SGCZ: variants seen among roughly 807,000 people sequenced by gnomAD.
SGCZ encodes zeta-sarcoglycan.
In SGCZ, 40 loss-of-function variants were observed where a neutral mutation model predicts 41.3. That is an observed-to-expected ratio of 0.97 (90% CI 0.75 to 1.26). The LOEUF is 1.26. SGCZ is among the 50% of genes most tolerant of loss of function. The pLI, the probability that SGCZ is intolerant of heterozygous loss-of-function variation, is 0.00. For synonymous variants in SGCZ, 206 were observed against 137.5 expected (o/e 1.50, Z -3.49); for missense variants, 552 against 369.8 (o/e 1.49, Z -4.04).
intron 1 of SGCZ, among the ~76,000 whole-genome samples, chr8:15,190,280 C>T (rs1384091914): frequency 1.3e-5 from 2 of 152,056 alleles, no homozygotes; most frequent in African/African-American, 4.8e-5. Flanking sequence ...GTAGAACAAC[C>T]TATGTATATT....
intron 1 of SGCZ, among the ~76,000 whole-genome samples, chr8:15,180,472 C>T (rs973123955): frequency 6.6e-6 from 1 of 152,084 alleles, no homozygotes; most frequent in African/African-American, 2.4e-5. Flanking sequence ...TCTACATCTG[C>T]TCTTTTATTG....
At chr8:14,972,330 T>C (rs1231027950) in intron 1 of SGCZ, among the ~76,000 whole-genome samples, 2 of 152,188 alleles carry the variant, frequency 1.3e-5, no homozygotes, top group Non-Finnish European at 2.9e-5. Context: ...CTGATAAATT[T>C]GGATAGCTGT....
chr8:14,906,929 C>T (rs1799135139), intron 1 of SGCZ, among the ~76,000 whole-genome samples: 1 of 152,124 alleles, frequency 6.6e-6, no homozygotes, highest in South Asian at 2.1e-4. Flanking sequence ...TTTTCAAATA[C>T]ATATACTTTA....
At chr8:15,215,724 T>C (rs981132554) in intron 1 of SGCZ, among the ~76,000 whole-genome samples, 3 of 152,188 alleles carry the variant, frequency 2.0e-5, no homozygotes, top group African/African-American at 7.2e-5. Flanking sequence ...GCCAAACTGA[T>C]CAGTTGTTAA....
At chr8:14,590,352 T>C (rs1266002933) in intron 1 of SGCZ, among the ~76,000 whole-genome samples, 1 of 151,948 alleles carries the variant, frequency 6.6e-6, no homozygotes, top group Non-Finnish European at 1.5e-5. Flanking sequence ...ATTTTGGAAA[T>C]ATCTGGAAGG....
intron 2 of SGCZ, among the ~76,000 whole-genome samples, chr8:14,474,335 A>G (rs1179083422): frequency 6.6e-6 from 1 of 152,240 alleles, no homozygotes; most frequent in African/African-American, 2.4e-5. Flanking sequence ...AAATCCATGC[A>G]GTTGATTAAG....
chr8:14,115,222 C>A (rs545068424), intron 5 of SGCZ, among the ~76,000 whole-genome samples: 8 of 151,968 alleles, frequency 5.3e-5, no homozygotes, highest in African/African-American at 1.9e-4. Flanking sequence ...GTAACATACA[C>A]ACCTGAGGCT....
chr8:14,235,532 G>A (rs1314880121), intron 4 of SGCZ, among the ~76,000 whole-genome samples: 2 of 152,088 alleles, frequency 1.3e-5, no homozygotes, highest in Non-Finnish European at 2.9e-5. Flanking sequence ...GAAAATACTA[G>A]CACACTAAAT....
chr8:14,286,052 G>T (rs1800613299), intron 3 of SGCZ, among the ~76,000 whole-genome samples: 1 of 151,092 alleles, frequency 6.6e-6, no homozygotes, highest in Non-Finnish European at 1.5e-5. Context: ...TTGAGGCTTA[G>T]TTTTATGCTA....
chr8:14,496,237 TA>T lies in SGCZ; in HGVS notation c.234+58494del, dbSNP rs1454078207. ...CACAACATCATGCCTGGCTAATTTT[TA>T]AATTTTTTTTTGGAGAGACAAAAAT... On this transcript the variant is annotated intron_variant, in intron 2 of 7. Coordinates refer to ENST00000382080, the MANE Select transcript of SGCZ (RefSeq NM_139167.4). Among the ~76,000 whole-genome samples, 8 of 114,036 alleles carry T rather than the reference TA, an allele frequency of 7.0e-5. No individual in the cohort carries two copies. In the East Asian group the frequency reaches 1.8e-3, roughly 26 times the overall value. The allele number at this position is 114,036 out of a possible 152,430, so 74.8% of individuals were successfully genotyped here. A position where few individuals can be genotyped will look rare whatever the true frequency, so the allele number is the denominator to read the frequency against.
chr8:15,078,562 T>C (rs1805629333), intron 1 of SGCZ, among the ~76,000 whole-genome samples: 1 of 152,058 alleles, frequency 6.6e-6, no homozygotes, highest in South Asian at 2.1e-4. Flanking sequence ...GATTTTACAT[T>C]TTGAGTCCAT....
chr8:14,426,406 A>G (rs1190739338), intron 2 of SGCZ, among the ~76,000 whole-genome samples: 2 of 151,664 alleles, frequency 1.3e-5, no homozygotes, highest in Admixed American at 6.6e-5. Flanking sequence ...ACTGATCTTC[A>G]TAAAAAAAGT....
intron 1 of SGCZ, among the ~76,000 whole-genome samples, chr8:15,218,869 A>T (rs763549396): frequency 3.9e-5 from 6 of 152,210 alleles, no homozygotes; most frequent in African/African-American, 1.4e-4. Flanking sequence ...GGGAATCGAC[A>T]TTTAGTAAAG....
chr8:14,602,345 C>T (rs1805620584), intron 1 of SGCZ, among the ~76,000 whole-genome samples: 1 of 151,716 alleles, frequency 6.6e-6, no homozygotes, highest in South Asian at 2.1e-4. Flanking sequence ...GCACATGTCA[C>T]CCAGGCATGG....
intron 3 of SGCZ, among the ~76,000 whole-genome samples, chr8:14,294,816 C>G (rs1049364465): frequency 6.6e-6 from 1 of 151,954 alleles, no homozygotes; most frequent in African/African-American, 2.4e-5. Context: ...TATGAAATCG[C>G]TGTTAGATGT....
In SGCZ at chr8:15,211,098, T is replaced by G. The variant is rs146939620; in HGVS notation, c.39+26487A>C. On this transcript the variant is annotated intron_variant, in intron 1 of 7. Transcript: ENST00000382080. ...ATAGATAGATATAGATATAGATATA[T>G]ATAGCTATATCTAGATATTGATGTA... is the stretch of plus-strand genomic sequence containing the variant. Among the ~76,000 whole-genome samples, 17 of 151,120 alleles carry G rather than the reference T, an allele frequency of 1.1e-4. No homozygotes were observed. In the East Asian group the frequency reaches 1.6e-3, roughly 14 times the overall value.
At chr8:15,049,158 G>A (rs1434582656) in intron 1 of SGCZ, among the ~76,000 whole-genome samples, 1 of 152,136 alleles carries the variant, frequency 6.6e-6, no homozygotes, top group East Asian at 1.9e-4. Flanking sequence ...ATAAAATTCT[G>A]TGGCAGAGAA....
intron 1 of SGCZ, among the ~76,000 whole-genome samples, chr8:15,022,207 T>C (rs530124714): frequency 1.3e-5 from 2 of 152,210 alleles, no homozygotes; most frequent in Admixed American, 6.5e-5. Context: ...TTCATTTTGT[T>C]CAAAAACACA....
chr8:14,488,394 ACT>A (rs1491090337), intron 2 of SGCZ, among the ~76,000 whole-genome samples: 1 of 136,244 alleles, frequency 7.3e-6, no homozygotes, highest in Non-Finnish European at 1.6e-5. Context: ...AATGGCCTTA[ACT>A]CCCCTCCAGC....
Sources: gnomAD v4.1 joint callset for allele counts (sites outside exome capture counted in the v4.1 genomes callset) on GRCh38, gnomAD v4.1.1 for gene constraint, MANE v1.5 for transcripts, NCBI Gene and HGNC (gene_info 2026-07-23, HGNC 2026-07-21) for gene names.